The following ABTB3 variants were observed in gnomAD, a reference collection of about 807,000 sequenced individuals.
ABTB3 encodes ankyrin repeat and BTB domain containing 3.
chr12:107,657,771 T>C, the ABTB3 span: 4,700 of 1,582,224 alleles, frequency 3.0e-3, 84 homozygotes, highest in East Asian at 0.026. Context: ...TCCTGCCGCA[T>C]TGGCTTTACA....
the ABTB3 span, among the ~76,000 whole-genome samples, chr12:107,622,022 C>T: frequency 1.3e-5 from 2 of 152,248 alleles, no homozygotes; most frequent in Middle Eastern, 3.4e-3. Flanking sequence ...GGGAGGATTG[C>T]TTGAGCCCAG....
chr12:107,631,161 C>T, the ABTB3 span, among the ~76,000 whole-genome samples: 2 of 152,166 alleles, frequency 1.3e-5, no homozygotes, highest in African/African-American at 2.4e-5. Flanking sequence ...TCCATGTGTA[C>T]CCAGTGATCA....
chr12:107,404,162 CAAAAA>C, the ABTB3 span, among the ~76,000 whole-genome samples: 505 of 40,194 alleles, frequency 0.013, no homozygotes, highest in Admixed American at 0.021. Context: ...GACTCTAACT[CAAAAA>C]AAAAAAAAAA....
the ABTB3 span, among the ~76,000 whole-genome samples, chr12:107,481,367 C>A: frequency 6.6e-6 from 1 of 152,128 alleles, no homozygotes; most frequent in Non-Finnish European, 1.5e-5. Flanking sequence ...ATAGGCCTGA[C>A]CCCGGAGGCC....
the ABTB3 span, among the ~76,000 whole-genome samples, chr12:107,357,596 G>A: frequency 6.6e-6 from 1 of 152,186 alleles, no homozygotes; most frequent in African/African-American, 2.4e-5. Context: ...GGGCCACAGA[G>A]TAAGATTCTA....
At chr12:107,635,633 G>A in the ABTB3 span, among the ~76,000 whole-genome samples, 1 of 152,148 alleles carries the variant, frequency 6.6e-6, no homozygotes, top group Non-Finnish European at 1.5e-5. Context: ...GACACAGACA[G>A]TGGGGGCTGC....
the ABTB3 span, among the ~76,000 whole-genome samples, chr12:107,460,583 C>A: frequency 6.6e-6 from 1 of 152,020 alleles, no homozygotes; most frequent in Admixed American, 6.5e-5. Context: ...CGCTTGAGCC[C>A]CGGAGGTGGA....
the ABTB3 span, among the ~76,000 whole-genome samples, chr12:107,412,157 T>C: frequency 2.0e-5 from 3 of 152,192 alleles, no homozygotes; most frequent in South Asian, 4.1e-4. Context: ...CAGACATTTA[T>C]TGAGCTCTTA....
the ABTB3 span, among the ~76,000 whole-genome samples, chr12:107,432,837 C>A: frequency 6.6e-6 from 1 of 152,156 alleles, no homozygotes; most frequent in Non-Finnish European, 1.5e-5. Context: ...CCCCGAGGTT[C>A]TAAGGCACGT....
chr12:107,512,869 C>T, the ABTB3 span, among the ~76,000 whole-genome samples: 3 of 152,144 alleles, frequency 2.0e-5, no homozygotes, highest in African/African-American at 7.2e-5. Flanking sequence ...AATCTTCCTC[C>T]AACCCTGTGA....
At chr12:107,502,064 G>T in the ABTB3 span, among the ~76,000 whole-genome samples, 1 of 148,390 alleles carries the variant, frequency 6.7e-6, no homozygotes, top group Non-Finnish European at 1.5e-5. Context: ...CTGGGCATTG[G>T]TACTTTTTTT....
At chr12:107,327,728 C>T in the ABTB3 span, among the ~76,000 whole-genome samples, 2 of 152,194 alleles carry the variant, frequency 1.3e-5, no homozygotes, top group African/African-American at 4.8e-5. Flanking sequence ...GCCAATGTCA[C>T]ATGTTTTAAG....
At chr12:107,502,671 C>A in the ABTB3 span, among the ~76,000 whole-genome samples, 1 of 152,080 alleles carries the variant, frequency 6.6e-6, no homozygotes, top group African/African-American at 2.4e-5. Flanking sequence ...GAGCAGCGGG[C>A]GAGCGAGCAT....
the ABTB3 span, among the ~76,000 whole-genome samples, chr12:107,482,938 T>C: frequency 8.1e-4 from 15 of 18,450 alleles, no homozygotes; most frequent in African/African-American, 2.9e-3. Flanking sequence ...CTTTCTTTCT[T>C]TCTTTCTTTC....
the ABTB3 span, among the ~76,000 whole-genome samples, chr12:107,386,672 G>A: frequency 6.6e-5 from 10 of 152,272 alleles, no homozygotes; most frequent in Non-Finnish European, 1.0e-4. Context: ...CCACAGCCCT[G>A]ACTGATCATT....
the ABTB3 span, among the ~76,000 whole-genome samples, chr12:107,600,687 T>A: frequency 2.6e-5 from 4 of 152,174 alleles, no homozygotes; most frequent in Non-Finnish European, 4.4e-5. Flanking sequence ...CTCACACAGC[T>A]CCCCAGGCAG....
the ABTB3 span, among the ~76,000 whole-genome samples, chr12:107,337,529 G>T: frequency 2.4e-3 from 364 of 152,268 alleles, 1 homozygote; most frequent in African/African-American, 3.1e-3. Flanking sequence ...TCATTCAGTT[G>T]CTCCATCACC....
the ABTB3 span, among the ~76,000 whole-genome samples, chr12:107,422,481 C>G: frequency 7.2e-5 from 11 of 152,280 alleles, no homozygotes; most frequent in African/African-American, 2.6e-4. Flanking sequence ...AGGAATAATT[C>G]TGCCAGTCTG....
the ABTB3 span, among the ~76,000 whole-genome samples, chr12:107,383,587 GT>G: frequency 0.018 from 2,734 of 152,326 alleles, 100 homozygotes; most frequent in African/African-American, 0.062. Context: ...GTCAATAAGT[GT>G]TCACAGTTAT....
Sources: gnomAD v4.1 joint callset for allele counts (sites outside exome capture counted in the v4.1 genomes callset) on GRCh38, gnomAD v4.1.1 for gene constraint, MANE v1.5 for transcripts, NCBI Gene and HGNC (gene_info 2026-07-23, HGNC 2026-07-21) for gene names.